Variants in OBSL1 observed in about 807,000 individuals in gnomAD.
OBSL1 encodes the protein obscurin like cytoskeletal adaptor 1.
In OBSL1, 160 loss-of-function variants were observed where a neutral mutation model predicts 172.0. The observed-to-expected ratio is 0.93, with a 90% confidence interval of 0.82 to 1.06. OBSL1 has a LOEUF of 1.06. Ranked by LOEUF, OBSL1 falls within the 50% of genes least tolerant of loss-of-function variation. OBSL1 has a pLI of 0.00. For synonymous variants in OBSL1, 1,200 were observed against 1,196.3 expected (o/e 1.00, Z -0.06); for missense variants, 2,681 against 2,715.4 (o/e 0.99, Z 0.28).
At chr2:219,548,135 G>A (rs556717642), downstream of OBSL1, 18 of 1,435,122 alleles carry the variant, frequency 1.3e-5, no homozygotes, top group African/African-American at 2.4e-4. Flanking sequence ...CCAGGGATGG[G>A]TTGGGGGCCA....
rs141057611 is a variant in OBSL1 at position 219,566,965 on chromosome 2, C to T, written c.1999G>A (p.Ala667Thr). ...TTCTGCTCTATACGGTACCGCAGGGCCCCAGGTTCCACCTGGCCCTCCGGC... is the reference window on the plus strand; with the variant it reads ...TTCTGCTCTATACGGTACCGCAGGGTCCCAGGTTCCACCTGGCCCTCCGGC... ...NEPEGQVEPGALRYRIEQKGL... is the reference protein window; with the variant it reads ...NEPEGQVEPGTLRYRIEQKGL... The change falls in exon 5 of 21, where the codon GCC becomes ACC. Residue 667 changes from alanine (A) to threonine (T), a missense_variant. Physicochemically the swap from Ala to Thr is moderately conservative, Grantham distance 58 (BLOSUM62 0). This residue lies in a region of OBSL1 where 1,765 missense variants were observed against 1,748.3 expected (regional missense o/e 1.01). Coordinates refer to ENST00000404537, the MANE Select transcript of OBSL1 (RefSeq NM_015311.3). 1,186 of 1,613,786 alleles carry T rather than the reference C, an allele frequency of 7.3e-4. 6 individuals carry two copies. In the African/African-American group the frequency reaches 0.013, roughly 18 times the overall value.
chr2:219,557,960 C>T lies in OBSL1; in HGVS notation c.3653G>A (p.Gly1218Asp). 7 of 1,608,024 alleles carry T rather than the reference C, an allele frequency of 4.4e-6. No homozygotes were observed. Among genetic ancestry groups the T allele is most frequent in the Non-Finnish European group, 5.9e-6 (7 of 1,178,920 alleles). ...HNGRPVQEGE[G>D]LELHAEGPRR... ...GGGGCCCTCGGCATGGAGCTCTAGG[C>T]CCTCGCCCTCCTGCACGGGCCTCCC... Residue 1218 changes from glycine (G) to aspartate (D), a missense_variant, in exon 11 of 21, where the codon GGC becomes GAC. Gly to Asp is a moderately conservative substitution (Grantham distance 94, BLOSUM62 -1). Transcript: ENST00000404537.
In OBSL1 at chr2:219,570,528, C is replaced by T. The variant is rs113717000; in HGVS notation, c.705G>A (p.Ala235=). 2 of 1,608,438 alleles carry T rather than the reference C, an allele frequency of 1.2e-6. No homozygotes were observed. Among genetic ancestry groups the T allele is most frequent in the Non-Finnish European group, 1.7e-6 (2 of 1,178,002 alleles). The change falls in exon 1 of 21, where the codon GCG becomes GCA. Residue 235 remains alanine (A), a synonymous_variant. Coordinates refer to ENST00000404537, the MANE Select transcript of OBSL1 (RefSeq NM_015311.3). The part of the protein sequence containing the change: ...QVHQPPESPP[A]DPDEAPAPVV... ...CCGGCGCGGGGGCCTCGTCGGGGTC[C>T]GCGGGCGGGCTCTCGGGGGGCTGGT...
chr2:219,552,764 G>C lies in OBSL1; in HGVS notation c.5147-67C>G, dbSNP rs1574519819. On this transcript the variant is annotated intron_variant, in intron 17 of 20. Transcript: ENST00000404537. ...CAGTTACCGGTCACGCCCCCTCCAC[G>C]CCCCCTTTCTAGAAGCACGCGCGGT... The C allele has an allele frequency of 3.3e-6, 5 of 1,512,660 alleles. No individual in the cohort carries two copies. In the South Asian group the frequency reaches 4.8e-5, roughly 15 times the overall value. 93.7% of individuals were successfully genotyped at this position (1,512,660 alleles called of 1,614,324 possible).
chr2:219,557,331 GTACACTGT>G lies in OBSL1; in HGVS notation c.4066+4_4066+11del, dbSNP rs768342825. 8.1e-6 allele frequency: 12 copies of G among 1,479,906 alleles called. No homozygotes were observed. The highest frequency in any genetic ancestry group is 1.1e-5 in the Non-Finnish European group (12 of 1,109,934). The allele number at this position is 1,479,906 out of a possible 1,614,324, so 91.7% of individuals were successfully genotyped here. A position where few individuals can be genotyped will look rare whatever the true frequency, so the allele number is the denominator to read the frequency against. ...TGCCACAGCCCACAGGGTGTGAGGG[GTACACTGT>G]TACCTTCCACGCTGACAAGGAAGAT... On this transcript the variant is annotated splice_donor_5th_base_variant and intron_variant, in intron 12 of 20. Coordinates refer to ENST00000404537, the MANE Select transcript of OBSL1 (RefSeq NM_015311.3).
chr2:219,562,041 C>G (rs373699420), intron 8 of OBSL1: 7 of 716,194 alleles, frequency 9.8e-6, no homozygotes, highest in African/African-American at 3.5e-5. Flanking sequence ...GTGTGGAATG[C>G]GCAGGGCCCC....
Position 219,567,846 on chromosome 2 carries a change from G to A in OBSL1, c.1406C>T (p.Pro469Leu), listed in dbSNP as rs996195414. ...GCCTGAGCTGCTCTGGCAGATGACC[G>A]GCAGCTCCTCCCCATCACGGCTCCA... is the stretch of plus-strand genomic sequence containing the variant. ...GRWSRDGEELPVICQSSSGHM... is the reference protein window; with the variant it reads ...GRWSRDGEELLVICQSSSGHM... Residue 469 changes from proline (P) to leucine (L), a missense_variant, in exon 3 of 21, where the codon CCG becomes CTG. Transcript: ENST00000404537. 32 of 1,613,800 alleles carry A rather than the reference G, an allele frequency of 2.0e-5. 1 individual carries two copies. The highest frequency in any genetic ancestry group is 3.3e-4 in the Middle Eastern group (2 of 6,084).
rs371798131 is a variant in OBSL1 at position 219,570,515 on chromosome 2, C to T, written c.718G>A (p.Ala240Thr). ...AGCGGCTCCACCACCGGCGCGGGGG[C>T]CTCGTCGGGGTCCGCGGGCGGGCTC... Reference protein sequence around the residue: ...PESPPADPDEAPAPVVEPLKC... With the variant: ...PESPPADPDETPAPVVEPLKC... Residue 240 changes from alanine to threonine, a missense_variant, in exon 1 of 21, where the codon GCC (alanine) becomes ACC (threonine). This residue lies in a region of OBSL1 where 706 missense variants were observed against 695.8 expected (regional missense o/e 1.01). Coordinates refer to ENST00000404537, the MANE Select transcript of OBSL1 (RefSeq NM_015311.3). 9 of 1,610,810 alleles carry T rather than the reference C, an allele frequency of 5.6e-6. No homozygotes were observed. Among genetic ancestry groups the T allele is most frequent in the African/African-American group, 4.0e-5 (3 of 74,816 alleles).
chr2:219,547,972 C>A, downstream of OBSL1: 1 of 1,588,248 alleles, frequency 6.3e-7, no homozygotes, highest in Non-Finnish European at 8.5e-7. Flanking sequence ...CTCCTGTGCC[C>A]CCACTCTGCT....
chr2:219,551,318 G>A, intron 20 of OBSL1: 1 of 1,413,018 alleles, frequency 7.1e-7, no homozygotes, highest in Non-Finnish European at 9.2e-7. Context: ...GGTGGGAACA[G>A]CTGACCAGGA....
chr2:219,552,330 G>T, intron 18 of OBSL1, 114 bp from the exon 19 acceptor site: 1 of 1,037,196 alleles, frequency 9.6e-7, no homozygotes, highest in Non-Finnish European at 1.4e-6. Flanking sequence ...GTGTATGCTA[G>T]GGTGGGCGGA....
At chr2:219,550,139 G>T, downstream of OBSL1, 1 of 357,144 alleles carries the variant, frequency 2.8e-6, no homozygotes, top group East Asian at 4.6e-5. Context: ...GTGTGTGGGG[G>T]TGGGCAGGCT....
At position 219,570,860 on chromosome 2, in the gene OBSL1, C is replaced by T; in HGVS notation, c.373G>A (p.Glu125Lys). The change falls in exon 1 of 21, where the codon GAG becomes AAG. Residue 125 changes from glutamate (E) to lysine (K), a missense_variant. Glu to Lys is a moderately conservative substitution (Grantham distance 56). Transcript: ENST00000404537. ...ERPLPSPGSG[E>K]GAPVFLTGPR... Reference sequence around the variant, plus strand: ...CCCGTGAGGAAGACCGGGGCGCCCTCCCCGGACCCCGGCGATGGCAGCGGG... The same window carrying T: ...CCCGTGAGGAAGACCGGGGCGCCCTTCCCGGACCCCGGCGATGGCAGCGGG... The T allele has an allele frequency of 7.1e-7, 1 of 1,408,564 alleles. No homozygotes were observed. The highest frequency in any genetic ancestry group is 9.2e-7 in the Non-Finnish European group (1 of 1,082,546). 87.3% of individuals were successfully genotyped at this position (1,408,564 alleles called of 1,614,324 possible).
In OBSL1 at chr2:219,556,282, C is replaced by T. The variant is rs1226962673; in HGVS notation, c.4347G>A (p.Leu1449=). The T allele has an allele frequency of 6.3e-7, 1 of 1,583,730 alleles. No individual in the cohort carries two copies. The highest frequency in any genetic ancestry group is 8.6e-7 in the Non-Finnish European group (1 of 1,161,716). ...CATCCTGCAACCGCCGTAGGAACAG[C>T]AGCTCTGTCTCTGGTGGGGAAGAAG... The part of the protein sequence containing the change: ...SARLHVRETE[L]LFLRRLQDVR... The change falls in exon 14 of 21, where the codon CTG becomes CTA. Residue 1449 remains leucine, a synonymous_variant. Transcript: ENST00000404537.
intron 7 of OBSL1, 73 bp downstream of exon 7, chr2:219,563,282 A>G: frequency 7.0e-7 from 1 of 1,428,146 alleles, no homozygotes; most frequent in Non-Finnish European, 9.3e-7. Context: ...CCTGGGAGTG[A>G]AGGTGTGGCA....
chr2:219,555,070 C>A, intron 14 of OBSL1: 1 of 348,386 alleles, frequency 2.9e-6, no homozygotes. Flanking sequence ...CGCTCTACCA[C>A]ATAGTTTGTG....
At chr2:219,548,592 A>G (rs1695445839), downstream of OBSL1, among the ~76,000 whole-genome samples, 1 of 152,142 alleles carries the variant, frequency 6.6e-6, no homozygotes, top group Non-Finnish European at 1.5e-5. Flanking sequence ...CTGAGAAGGA[A>G]TGAGCTCAGC....
intron 15 of OBSL1, 112 bp downstream of exon 15, chr2:219,554,362 A>G (rs897732977): frequency 1.5e-6 from 2 of 1,304,620 alleles, no homozygotes. Flanking sequence ...TGAGGGCCAC[A>G]CTGAGACAGG....
chr2:219,548,470 A>AGG (rs1341799306), downstream of OBSL1, among the ~76,000 whole-genome samples: 1 of 152,216 alleles, frequency 6.6e-6, no homozygotes, highest in Non-Finnish European at 1.5e-5. Flanking sequence ...TATTAGAGTT[A>AGG]GGGTGGTCAG....
Sources: gnomAD v4.1 joint callset for allele counts (sites outside exome capture counted in the v4.1 genomes callset) on GRCh38, gnomAD v4.1.1 for gene constraint, gnomAD v4.1.1 regional missense constraint, MANE v1.5 for transcripts, NCBI Gene and HGNC (gene_info 2026-07-23, HGNC 2026-07-21) for gene names.